Variants in EPHA3 observed in about 807,000 individuals in gnomAD.
EPHA3 encodes the protein ephrin type-A receptor 3.
Under a neutral mutation model 107.1 loss-of-function variants are expected in EPHA3, and 42 were observed. The observed-to-expected ratio is 0.39, with a 90% CI of 0.31 to 0.51. The LOEUF (loss-of-function observed/expected upper bound fraction) is 0.51, where lower values mean the gene tolerates loss of function less well. Among genes scored for constraint, EPHA3 ranks in the 20% least tolerant of loss-of-function variants. The pLI is 0.78. For missense variants in EPHA3, 1,183 were observed against 1,211.2 expected (o/e 0.98, Z 0.35); for synonymous variants, 461 against 424.8 (o/e 1.09, Z -1.05).
chr3:89,254,459 T>C (rs980584480), intron 3 of EPHA3, among the ~76,000 whole-genome samples: 1 of 152,188 alleles, frequency 6.6e-6, no homozygotes, highest in African/African-American at 2.4e-5. Context: ...GCCAAAATGC[T>C]TCAGGCACCT....
chr3:89,435,351 A>G (rs934110262), intron 13 of EPHA3, among the ~76,000 whole-genome samples: 3 of 150,810 alleles, frequency 2.0e-5, no homozygotes, highest in African/African-American at 7.3e-5. Flanking sequence ...TATAATCTTG[A>G]CACTTCGAGA....
At chr3:89,118,491 A>T (rs1325979008) in intron 1 of EPHA3, among the ~76,000 whole-genome samples, 1 of 151,916 alleles carries the variant, frequency 6.6e-6, no homozygotes, top group Non-Finnish European at 1.5e-5. Flanking sequence ...TTTCTTTCCA[A>T]AGGTGATCCT....
intron 3 of EPHA3, among the ~76,000 whole-genome samples, chr3:89,228,733 C>G (rs1322835247): frequency 6.6e-6 from 1 of 151,712 alleles, no homozygotes; most frequent in Non-Finnish European, 1.5e-5. Context: ...CATAAACATA[C>G]CAGAGAAGTA....
intron 5 of EPHA3, among the ~76,000 whole-genome samples, chr3:89,381,693 A>G (rs75520331): frequency 0.031 from 4,758 of 152,104 alleles, 241 homozygotes; most frequent in African/African-American, 0.11. Flanking sequence ...AAATTAGGAC[A>G]TGAGCCCTTG....
Position 89,130,086 on chromosome 3 carries a change from C to T in EPHA3, c.153+2813C>T, listed in dbSNP as rs527444599. ...GGAAGAGGGAATTTTTATTTTGCCT[C>T]GGTGGGATATTTGGCAATGTTTGAA... On this transcript the variant is annotated intron_variant, in intron 2 of 16. Coordinates refer to ENST00000336596, the MANE Select transcript of EPHA3 (RefSeq NM_005233.6). 3.3e-5 allele frequency among the ~76,000 whole-genome samples: 5 copies of T among 151,998 alleles called. No individual in the cohort carries two copies. The South Asian group carries it at 1.0e-3, about 32-fold the overall frequency.
chr3:89,347,766 C>G (rs1707707665), intron 5 of EPHA3, among the ~76,000 whole-genome samples: 1 of 150,366 alleles, frequency 6.7e-6, no homozygotes, highest in South Asian at 2.1e-4. Flanking sequence ...ATAGATAGCT[C>G]TTATCATTTT....
chr3:89,381,576 C>T (rs1708509680), intron 5 of EPHA3, among the ~76,000 whole-genome samples: 2 of 151,500 alleles, frequency 1.3e-5, no homozygotes, highest in Non-Finnish European at 2.9e-5. Context: ...GGCTGAAGCA[C>T]GAGAATCACT....
chr3:89,298,255 C>T lies in EPHA3; in HGVS notation c.815-42661C>T, dbSNP rs116302947. On this transcript the variant is annotated intron_variant, in intron 3 of 16. Transcript: ENST00000336596. ...GCTAAAAACTGAAGGGGAACTTTTG[C>T]AAATGGCCTTTCTCTCTCTCTGTGC... Among the ~76,000 whole-genome samples the T allele has an allele frequency of 1.3e-3, 199 of 152,220 alleles. 1 individual carries two copies. The highest frequency in any genetic ancestry group is 4.6e-3 in the African/African-American group (191 of 41,542).
intron 7 of EPHA3, among the ~76,000 whole-genome samples, chr3:89,406,636 T>G (rs1252860649): frequency 6.6e-6 from 1 of 152,200 alleles, no homozygotes; most frequent in Non-Finnish European, 1.5e-5. Context: ...TTTGACTTTT[T>G]ACAACTGTTA....
At chr3:89,315,293 T>A (rs772110030) in intron 3 of EPHA3, among the ~76,000 whole-genome samples, 2 of 151,844 alleles carry the variant, frequency 1.3e-5, no homozygotes. Context: ...TGACAGTGTA[T>A]GCCTACAAAG....
chr3:89,226,043 C>A (rs1704494214), intron 3 of EPHA3, among the ~76,000 whole-genome samples: 2 of 152,134 alleles, frequency 1.3e-5, no homozygotes, highest in African/African-American at 2.4e-5. Context: ...TCACTCCACT[C>A]TGGTAAAGAA....
intron 2 of EPHA3, among the ~76,000 whole-genome samples, chr3:89,141,358 A>G (rs1704428164): frequency 6.6e-6 from 1 of 151,512 alleles, no homozygotes; most frequent in Admixed American, 6.6e-5. Context: ...CAAGATATGG[A>G]AAGGAGGTAA....
chr3:89,114,115 G>A (rs915973612), intron 1 of EPHA3, among the ~76,000 whole-genome samples: 8 of 152,212 alleles, frequency 5.3e-5, no homozygotes, highest in African/African-American at 1.9e-4. Flanking sequence ...TGGCAGCACT[G>A]TACAAACAAA....
chr3:89,124,052 G>T (rs1242387252), intron 1 of EPHA3, among the ~76,000 whole-genome samples: 1 of 152,046 alleles, frequency 6.6e-6, no homozygotes, highest in Non-Finnish European at 1.5e-5. Context: ...TTGCGAACTC[G>T]TATTGTCCAG....
intron 3 of EPHA3, among the ~76,000 whole-genome samples, chr3:89,301,165 C>T (rs1706478658): frequency 6.6e-6 from 1 of 152,016 alleles, no homozygotes; most frequent in African/African-American, 2.4e-5. Flanking sequence ...GGATTTTAAG[C>T]ACCAAGGAAG....
At chr3:89,200,580 T>G (rs1705946031) in intron 2 of EPHA3, among the ~76,000 whole-genome samples, 1 of 152,222 alleles carries the variant, frequency 6.6e-6, no homozygotes, top group African/African-American at 2.4e-5. Context: ...TTCAGTAGTT[T>G]CTCACTGTAG....
At chr3:89,281,158 G>A (rs1705938289) in intron 3 of EPHA3, among the ~76,000 whole-genome samples, 1 of 151,988 alleles carries the variant, frequency 6.6e-6, no homozygotes, top group Admixed American at 6.5e-5. Context: ...TGAGTAGCTG[G>A]GACTACAGGC....
rs184161080 is a variant in EPHA3, at chr3:89,120,852, T to G, written c.89-6357T>G. On this transcript the variant is annotated intron_variant, in intron 1 of 16. Coordinates refer to ENST00000336596, the MANE Select transcript of EPHA3 (RefSeq NM_005233.6). ...AGCTAATGAGAAAGAATAAGTTAAG[T>G]GCAGAAATCTTCTTATATCACATAA... Among the ~76,000 whole-genome samples the G allele has an allele frequency of 5.5e-4, 84 of 152,326 alleles. 3 individuals carry two copies. The East Asian group carries it at 0.011, about 20-fold the overall frequency.
chr3:89,162,026 T>C lies in EPHA3; in HGVS notation c.153+34753T>C, dbSNP rs1245850727. ...AATAATAATAAATAATAATAAATAA[T>C]AAACCTCTCTTGCTTAGTGAGCCTT... On this transcript the variant is annotated intron_variant, in intron 2 of 16. Coordinates refer to ENST00000336596, the MANE Select transcript of EPHA3 (RefSeq NM_005233.6). Among the ~76,000 whole-genome samples the C allele has an allele frequency of 2.0e-5, 3 of 151,000 alleles. No homozygotes were observed. The East Asian group carries it at 6.0e-4, about 30-fold the overall frequency.
Sources: allele counts gnomAD v4.1 joint callset (sites outside exome capture counted in the v4.1 genomes callset), GRCh38; gene constraint gnomAD v4.1.1; transcripts MANE v1.5; gene names NCBI Gene and HGNC (gene_info 2026-07-23, HGNC 2026-07-21).